The following CNBD1 variants were observed in gnomAD, a reference collection of about 807,000 sequenced individuals.
The protein encoded by CNBD1 is cyclic nucleotide binding domain containing 1, also known as cyclic nucleotide-binding domain-containing protein 1.
A neutral mutation model predicts 54.4 loss-of-function variants in CNBD1; 71 were observed. The observed-to-expected ratio is 1.30, with a 90% CI of 1.08 to 1.59. The LOEUF is 1.59. Among genes scored for constraint, CNBD1 ranks in the 40% most tolerant of loss-of-function variants. CNBD1 has a pLI of 0.00. For missense variants in CNBD1, 659 were observed against 518.0 expected (o/e 1.27, Z -2.64); for synonymous variants, 182 against 170.7 (o/e 1.07, Z -0.51).
chr8:86,882,763 C>T (rs1026143188), intron 1 of CNBD1, among the ~76,000 whole-genome samples: 1 of 152,120 alleles, frequency 6.6e-6, no homozygotes, highest in African/African-American at 2.4e-5. Context: ...AAGACATGGA[C>T]TCAACCTAAA....
chr8:87,204,014 C>T (rs1016355602), intron 4 of CNBD1, among the ~76,000 whole-genome samples: 1 of 152,148 alleles, frequency 6.6e-6, no homozygotes, highest in Non-Finnish European at 1.5e-5. Context: ...CACCTGGCTC[C>T]ACTACCTGGG....
At chr8:87,230,349 T>A (rs1354094125) in intron 5 of CNBD1, among the ~76,000 whole-genome samples, 1 of 152,168 alleles carries the variant, frequency 6.6e-6, no homozygotes, top group African/African-American at 2.4e-5. Flanking sequence ...TTATTTTAAT[T>A]CCCATTGAGG....
At position 86,933,828 on chromosome 8, in the gene CNBD1, A is replaced by T. The variant is rs140782843; in HGVS notation, c.273-5768A>T. 2.8e-3 allele frequency among the ~76,000 whole-genome samples: 428 copies of T among 152,246 alleles called. 5 individuals carry two copies. Among genetic ancestry groups the T allele is most frequent in the African/African-American group, 9.9e-3 (413 of 41,552 alleles). ...TTAAAATGTCAACATCAGAGAAAGG[A>T]AAAATTGCCTTTTTAATTACTAGTT... On this transcript the variant is annotated intron_variant, in intron 3 of 10. Coordinates refer to ENST00000518476, the MANE Select transcript of CNBD1 (RefSeq NM_173538.3).
chr8:87,320,622 G>A (rs1389647028), intron 8 of CNBD1, among the ~76,000 whole-genome samples: 1 of 148,122 alleles, frequency 6.8e-6, no homozygotes, highest in East Asian at 2.0e-4. Context: ...GTGTGTGTGG[G>A]GGGGCGGCTC....
chr8:87,181,371 C>T (rs1168449361), intron 4 of CNBD1, among the ~76,000 whole-genome samples: 1 of 152,152 alleles, frequency 6.6e-6, no homozygotes, highest in Admixed American at 6.6e-5. Flanking sequence ...CACAAAGATT[C>T]CTTGTGCATC....
intron 2 of CNBD1, among the ~76,000 whole-genome samples, chr8:87,390,557 G>T (rs1487028765): frequency 6.6e-6 from 1 of 152,170 alleles, no homozygotes. Flanking sequence ...TCTCACACCA[G>T]TTAGAATGGC....
chr8:87,364,260 G>C (rs1448027635), intron 10 of CNBD1, among the ~76,000 whole-genome samples: 1 of 151,356 alleles, frequency 6.6e-6, no homozygotes, highest in African/African-American at 2.4e-5. Context: ...CATCTAATGT[G>C]TGGAAAAGAT....
intron 2 of CNBD1, among the ~76,000 whole-genome samples, chr8:87,388,007 T>G (rs934702884): frequency 6.6e-6 from 1 of 152,162 alleles, no homozygotes; most frequent in Non-Finnish European, 1.5e-5. Context: ...GAATGACTAC[T>G]GGGTACATAA....
chr8:87,337,620 T>C (rs1474724347), intron 8 of CNBD1, among the ~76,000 whole-genome samples: 1 of 152,220 alleles, frequency 6.6e-6, no homozygotes, highest in Non-Finnish European at 1.5e-5. Flanking sequence ...GAGTGTGATC[T>C]TCCAATCTGT....
At chr8:87,336,356 T>C (rs1809944762) in intron 8 of CNBD1, among the ~76,000 whole-genome samples, 1 of 152,200 alleles carries the variant, frequency 6.6e-6, no homozygotes, top group South Asian at 2.1e-4. Flanking sequence ...GTTCAGTCTT[T>C]TGATATAGTC....
chr8:87,207,640 T>G (rs1814004786), intron 5 of CNBD1, among the ~76,000 whole-genome samples: 1 of 152,196 alleles, frequency 6.6e-6, no homozygotes, highest in Non-Finnish European at 1.5e-5. Context: ...TTTTATTCTC[T>G]CACAATGTGT....
chr8:87,125,155 A>G lies in CNBD1; in HGVS notation c.432-80838A>G, dbSNP rs116140521. On this transcript the variant is annotated intron_variant, in intron 4 of 10. Coordinates refer to ENST00000518476, the MANE Select transcript of CNBD1 (RefSeq NM_173538.3). Reference sequence around the variant, plus strand: ...AGTTAAAGAAGACACAAATAAATTGAAAGATATCCTGTGTTCATGATATAT... The same window carrying G: ...AGTTAAAGAAGACACAAATAAATTGGAAGATATCCTGTGTTCATGATATAT... 7.3e-3 allele frequency among the ~76,000 whole-genome samples: 1,109 copies of G among 151,920 alleles called. 11 individuals carry two copies. The highest frequency in any genetic ancestry group is 0.025 in the African/African-American group (1,019 of 41,538).
At chr8:87,091,033 G>A (rs146191989) in intron 4 of CNBD1, among the ~76,000 whole-genome samples, 3,725 of 151,654 alleles carry the variant, frequency 0.025, 164 homozygotes, top group African/African-American at 0.086. Context: ...CCAGCTACTC[G>A]GGAGGCTGAG....
At chr8:86,922,048 T>C (rs1043999788) in intron 3 of CNBD1, among the ~76,000 whole-genome samples, 3 of 152,030 alleles carry the variant, frequency 2.0e-5, no homozygotes, top group Admixed American at 6.6e-5. Flanking sequence ...GGAGGCTTTC[T>C]TGAGGAAGGA....
chr8:86,877,843 T>C (rs1808546889), intron 1 of CNBD1, among the ~76,000 whole-genome samples: 1 of 152,138 alleles, frequency 6.6e-6, no homozygotes, highest in African/African-American at 2.4e-5. Context: ...TGCTCCCTAT[T>C]TTCATTTGTT....
intron 4 of CNBD1, among the ~76,000 whole-genome samples, chr8:87,171,734 G>A (rs1420615310): frequency 6.6e-6 from 1 of 151,832 alleles, no homozygotes; most frequent in Non-Finnish European, 1.5e-5. Context: ...CATCTCCTGG[G>A]TTCAAGCAAT....
chr8:87,143,650 G>C (rs1178154471), intron 4 of CNBD1, among the ~76,000 whole-genome samples: 1 of 152,038 alleles, frequency 6.6e-6, no homozygotes, highest in Non-Finnish European at 1.5e-5. Flanking sequence ...TAAGGAATCA[G>C]AGCATTTAAA....
Position 87,125,822 on chromosome 8 carries a change from G to A in CNBD1, c.432-80171G>A, listed in dbSNP as rs145754957. ...CCTCATATCTCTTTTTAATCCCTCCGTCCTAACTGTCCCAATACCACTCCT... is the reference window on the plus strand; with the variant it reads ...CCTCATATCTCTTTTTAATCCCTCCATCCTAACTGTCCCAATACCACTCCT... On this transcript the variant is annotated intron_variant, in intron 4 of 10. Coordinates refer to ENST00000518476, the MANE Select transcript of CNBD1 (RefSeq NM_173538.3). Among the ~76,000 whole-genome samples the A allele has an allele frequency of 4.0e-3, 601 of 151,496 alleles. 8 individuals are homozygous for A. The highest frequency in any genetic ancestry group is 0.022 in the South Asian group (104 of 4,790).
chr8:87,413,247 C>A (rs1343746511), intron 2 of CNBD1, among the ~76,000 whole-genome samples: 2 of 152,032 alleles, frequency 1.3e-5, no homozygotes, highest in Admixed American at 6.6e-5. Context: ...ACTCATTTTC[C>A]AAGCTTAACT....
Sources: allele counts gnomAD v4.1 joint callset (sites outside exome capture counted in the v4.1 genomes callset), GRCh38; gene constraint gnomAD v4.1.1; transcripts MANE v1.5; gene names NCBI Gene and HGNC (gene_info 2026-07-23, HGNC 2026-07-21).